SYNPR: variants seen among roughly 807,000 people sequenced by gnomAD.
SYNPR encodes synaptoporin.
In SYNPR, 23 loss-of-function variants were observed where a neutral mutation model predicts 32.9. The observed-to-expected ratio is 0.70, with a 90% CI of 0.50 to 0.99. SYNPR has a LOEUF of 0.99. Ranked by LOEUF, SYNPR falls within the 50% of genes least tolerant of loss-of-function variation. The probability of loss-of-function intolerance (pLI) is 0.00; values close to 1 mark genes in which losing one functional copy is unlikely to be tolerated. For synonymous variants in SYNPR, 146 were observed against 135.9 expected (o/e 1.07, Z -0.52); for missense variants, 318 against 349.3 (o/e 0.91, Z 0.71).
intron 4 of SYNPR, among the ~76,000 whole-genome samples, chr3:63,601,200 G>A (rs1700035948): frequency 6.6e-6 from 1 of 151,952 alleles, no homozygotes; most frequent in East Asian, 1.9e-4. Flanking sequence ...TTGAACCTGG[G>A]AGGTGGAGGT....
chr3:63,403,192 T>G (rs1376332315), intron 2 of SYNPR, among the ~76,000 whole-genome samples: 1 of 152,154 alleles, frequency 6.6e-6, no homozygotes, highest in Non-Finnish European at 1.5e-5. Flanking sequence ...TATAACATGC[T>G]CTGGCTGATT....
At chr3:63,443,155 A>G in intron 2 of SYNPR, 1 of 1,172,252 alleles carries the variant, frequency 8.5e-7, no homozygotes, top group Non-Finnish European at 1.1e-6. Context: ...CTCCCCACCA[A>G]GCAGGCAGCG....
chr3:63,211,668 C>T, the SYNPR span, among the ~76,000 whole-genome samples: 1 of 151,440 alleles, frequency 6.6e-6, no homozygotes, highest in African/African-American at 2.4e-5. Context: ...ATGAAGCACT[C>T]TGCTGAGAAA....
intron 4 of SYNPR, among the ~76,000 whole-genome samples, chr3:63,588,065 A>T (rs773667088): frequency 4.6e-5 from 7 of 152,100 alleles, no homozygotes; most frequent in Non-Finnish European, 8.8e-5. Context: ...TTAATTATCC[A>T]TGCTTCTATT....
chr3:63,306,956 A>C, intron 2 of SYNPR, among the ~76,000 whole-genome samples: 1 of 152,052 alleles, frequency 6.6e-6, no homozygotes, highest in Admixed American at 6.6e-5. Context: ...AACTGGAAGA[A>C]GTTTCTGAGA....
chr3:63,523,636 A>G (rs1701953076), intron 3 of SYNPR, among the ~76,000 whole-genome samples: 1 of 152,106 alleles, frequency 6.6e-6, no homozygotes, highest in Non-Finnish European at 1.5e-5. Flanking sequence ...GGGGCCACTC[A>G]TGCTTCTTGG....
intron 2 of SYNPR, among the ~76,000 whole-genome samples, chr3:63,308,744 T>C (rs1192066228): frequency 6.6e-6 from 1 of 152,004 alleles, no homozygotes; most frequent in Non-Finnish European, 1.5e-5. Flanking sequence ...TAAGATTTTC[T>C]TCTTCATCAT....
At chr3:63,416,947 C>T (rs1184700159) in intron 2 of SYNPR, among the ~76,000 whole-genome samples, 6 of 152,176 alleles carry the variant, frequency 3.9e-5, no homozygotes, top group Non-Finnish European at 5.9e-5. Flanking sequence ...TAATTCCACT[C>T]CTGGCCTCTC....
intron 2 of SYNPR, among the ~76,000 whole-genome samples, chr3:63,447,218 A>G (rs1352926082): frequency 1.3e-5 from 2 of 152,184 alleles, no homozygotes. Flanking sequence ...TCAAATATAG[A>G]CTATCCCTAA....
At chr3:63,318,843 A>T (rs1017331850) in intron 2 of SYNPR, among the ~76,000 whole-genome samples, 2 of 151,870 alleles carry the variant, frequency 1.3e-5, no homozygotes, top group South Asian at 2.1e-4. Context: ...TTGTTTTGTC[A>T]TATTACCGGG....
intron 3 of SYNPR, among the ~76,000 whole-genome samples, chr3:63,520,991 T>G (rs114666041): frequency 0.011 from 1,716 of 152,272 alleles, 40 homozygotes; most frequent in African/African-American, 0.039. Flanking sequence ...TCTAAACATT[T>G]TCAGTTAAAG....
At chr3:63,597,336 C>T (rs898050723) in intron 4 of SYNPR, among the ~76,000 whole-genome samples, 1 of 152,078 alleles carries the variant, frequency 6.6e-6, no homozygotes, top group Admixed American at 6.6e-5. Context: ...AGAAGACAAA[C>T]ATACAAATGA....
At chr3:63,493,698 C>T (rs1312238587) in intron 3 of SYNPR, among the ~76,000 whole-genome samples, 1 of 151,768 alleles carries the variant, frequency 6.6e-6, no homozygotes, top group African/African-American at 2.4e-5. Context: ...CACCTGTAGT[C>T]CCAGCTACTT....
upstream of SYNPR, among the ~76,000 whole-genome samples, chr3:63,228,005 T>A (rs2086141791): frequency 6.6e-6 from 1 of 152,138 alleles, no homozygotes; most frequent in African/African-American, 2.4e-5. Context: ...AAGTTTGGAT[T>A]TTATTTTAAA....
intron 4 of SYNPR, among the ~76,000 whole-genome samples, chr3:63,568,296 A>T (rs36102984): frequency 0.32 from 49,084 of 152,074 alleles, 8,514 homozygotes; most frequent in South Asian, 0.47. Context: ...CTGTATATTG[A>T]GTGTGATCCA....
intron 4 of SYNPR, among the ~76,000 whole-genome samples, chr3:63,561,983 A>G (rs1265503203): frequency 6.6e-6 from 1 of 152,210 alleles, no homozygotes; most frequent in Non-Finnish European, 1.5e-5. Context: ...ATGATATAAT[A>G]GTTAGAAAAT....
rs1258571408 is a variant in SYNPR, at chr3:63,576,936, T to G, written c.408+20195T>G. Among the ~76,000 whole-genome samples the G allele has an allele frequency of 3.9e-5, 6 of 152,068 alleles. No homozygotes were observed. In the East Asian group the frequency reaches 1.2e-3, roughly 29 times the overall value. On this transcript the variant is annotated intron_variant, in intron 4 of 5. Transcript: ENST00000478300. ...GATCCTTGAAGAGCCATTTGCACATTCACTCTACCCCTACAGGATACATTT... is the reference window on the plus strand; with the variant it reads ...GATCCTTGAAGAGCCATTTGCACATGCACTCTACCCCTACAGGATACATTT...
intron 2 of SYNPR, among the ~76,000 whole-genome samples, chr3:63,363,546 G>T (rs756984582): frequency 6.6e-6 from 1 of 152,146 alleles, no homozygotes; most frequent in Non-Finnish European, 1.5e-5. Context: ...GCTGAAACAC[G>T]TAGGTTTGGG....
chr3:63,576,776 G>A (rs1474972520), intron 4 of SYNPR, among the ~76,000 whole-genome samples: 9 of 143,454 alleles, frequency 6.3e-5, no homozygotes, highest in Admixed American at 3.5e-4. Context: ...GGGCAACAGA[G>A]CAAGAATACG....
Sources: gnomAD v4.1 joint callset for allele counts (sites outside exome capture counted in the v4.1 genomes callset) on GRCh38, gnomAD v4.1.1 for gene constraint, MANE v1.5 for transcripts, NCBI Gene and HGNC (gene_info 2026-07-23, HGNC 2026-07-21) for gene names.